The following CD2AP variants were observed in gnomAD, a reference collection of about 807,000 sequenced individuals.
CD2AP encodes CD2-associated protein.
A neutral mutation model predicts 85.1 loss-of-function variants in CD2AP; 46 were observed. The ratio of observed to expected loss-of-function variants is 0.54; its 90% CI spans 0.43 to 0.69. CD2AP has a LOEUF of 0.69. Among genes scored for constraint, CD2AP ranks in the 30% least tolerant of loss-of-function variants. The pLI is 0.00. For synonymous variants in CD2AP, 255 were observed against 252.9 expected, an observed-to-expected ratio of 1.01 and a Z score of -0.08; for missense variants, 769 against 729.5, an observed-to-expected ratio of 1.05 and a Z score of -0.62.
At chr6:47,521,225 TA>T (rs1247395941) in intron 2 of CD2AP, among the ~76,000 whole-genome samples, 1 of 152,128 alleles carries the variant, frequency 6.6e-6, no homozygotes, top group East Asian at 1.9e-4. Context: ...TCAGTCTAAA[TA>T]CTCATAATTA....
intron 4 of CD2AP, among the ~76,000 whole-genome samples, chr6:47,551,381 A>G (rs1439484476): frequency 2.0e-5 from 3 of 152,156 alleles, no homozygotes; most frequent in Non-Finnish European, 4.4e-5. Context: ...TTATGTTTAT[A>G]CAAACTTAGA....
chr6:47,524,745 C>G (rs972409808), intron 2 of CD2AP, among the ~76,000 whole-genome samples: 1 of 151,970 alleles, frequency 6.6e-6, no homozygotes. Context: ...TCTCTGAATA[C>G]AGGAGGAATA....
chr6:47,586,405 G>A (rs1328294665), intron 11 of CD2AP, among the ~76,000 whole-genome samples: 3 of 152,102 alleles, frequency 2.0e-5, no homozygotes, highest in Non-Finnish European at 2.9e-5. Context: ...TTACCTGAGT[G>A]ACAATATCAA....
In CD2AP at chr6:47,543,587, C is replaced by G. The variant is rs560740862; in HGVS notation, c.320-1019C>G. 5.3e-5 allele frequency among the ~76,000 whole-genome samples: 8 copies of G among 152,314 alleles called. No individual in the cohort carries two copies. The East Asian group carries it at 1.5e-3, about 29-fold the overall frequency. On this transcript the variant is annotated intron_variant, in intron 3 of 17. Coordinates refer to ENST00000359314, the MANE Select transcript of CD2AP (RefSeq NM_012120.3). ...CTTCTGGCTTGTAGAGGACCACTGTCTCCTTGTTTTCTCACTTGGTCTTTC... is the reference window on the plus strand; with the variant it reads ...CTTCTGGCTTGTAGAGGACCACTGTGTCCTTGTTTTCTCACTTGGTCTTTC...
intron 12 of CD2AP, among the ~76,000 whole-genome samples, chr6:47,596,608 G>A (rs1276058702): frequency 6.6e-6 from 1 of 151,882 alleles, no homozygotes; most frequent in African/African-American, 2.4e-5. Context: ...CTTTTTTTAT[G>A]GCTGAATGGT....
intron 17 of CD2AP, among the ~76,000 whole-genome samples, chr6:47,622,201 C>A (rs114971028): frequency 1.3e-5 from 2 of 152,140 alleles, no homozygotes; most frequent in African/African-American, 2.4e-5. Context: ...CGTGCCTCCC[C>A]CAACAGCCCT....
chr6:47,498,280 C>G (rs573261967), intron 1 of CD2AP, among the ~76,000 whole-genome samples: 3 of 152,102 alleles, frequency 2.0e-5, no homozygotes, highest in Non-Finnish European at 4.4e-5. Context: ...TTTTCTTTTT[C>G]TAGAATCCAG....
At chr6:47,534,132 A>G (rs1766965066) in intron 3 of CD2AP, among the ~76,000 whole-genome samples, 1 of 152,246 alleles carries the variant, frequency 6.6e-6, no homozygotes. Flanking sequence ...GTTGTTAAAC[A>G]TCTGAACATA....
intron 2 of CD2AP, among the ~76,000 whole-genome samples, chr6:47,520,730 G>GTTTTTT (rs35163088): frequency 3.5e-5 from 3 of 86,362 alleles, no homozygotes; most frequent in African/African-American, 4.4e-5. Context: ...TGGTGCTACA[G>GTTTTTT]TTTTTTTTTT....
At chr6:47,526,495 C>T (rs1379437349) in intron 2 of CD2AP, among the ~76,000 whole-genome samples, 1 of 151,978 alleles carries the variant, frequency 6.6e-6, no homozygotes, top group African/African-American at 2.4e-5. Context: ...TTATTTGTAT[C>T]TTTTGTCTTC....
At chr6:47,530,667 A>AGTACT (rs1476190374) in intron 2 of CD2AP, among the ~76,000 whole-genome samples, 7 of 152,216 alleles carry the variant, frequency 4.6e-5, no homozygotes, top group Non-Finnish European at 8.8e-5. Flanking sequence ...TAAAATGTAC[A>AGTACT]GTACTGTGAG....
chr6:47,490,691 ATC>A (rs1412084678), intron 1 of CD2AP, among the ~76,000 whole-genome samples: 1 of 152,142 alleles, frequency 6.6e-6, no homozygotes, highest in Non-Finnish European at 1.5e-5. Context: ...TTTGGTGGAT[ATC>A]TGTCACTTAT....
rs1769910188 is a variant in CD2AP, at chr6:47,626,441, T to C, written c.*2214T>C. ...TATTTAATAATAACCTTGGGGTAAA[T>C]CATGAATTTTTTTTCTACGTGTGAG... is the stretch of plus-strand genomic sequence containing the variant. On this transcript the variant is annotated 3_prime_UTR_variant, in exon 18 of 18. Transcript: ENST00000359314. The C allele has an allele frequency of 7.6e-6, 1 of 132,162 alleles. No homozygotes were observed. The highest frequency in any genetic ancestry group is 2.7e-4 in the South Asian group (1 of 3,758). 8.2% of individuals were successfully genotyped at this position (132,162 alleles called of 1,614,324 possible).
chr6:47,603,111 A>G (rs542639701), intron 13 of CD2AP, among the ~76,000 whole-genome samples: 14 of 152,192 alleles, frequency 9.2e-5, no homozygotes, highest in African/African-American at 3.4e-4. Context: ...TGAGTAGCAT[A>G]TACTATAAAA....
At chr6:47,552,712 G>T (rs563795592) in intron 4 of CD2AP, among the ~76,000 whole-genome samples, 1 of 152,208 alleles carries the variant, frequency 6.6e-6, no homozygotes, top group African/African-American at 2.4e-5. Context: ...ATAGACAGCT[G>T]ATGTTTCTCT....
chr6:47,583,907 G>A (rs941080567), intron 11 of CD2AP, among the ~76,000 whole-genome samples: 2 of 152,174 alleles, frequency 1.3e-5, no homozygotes, highest in Admixed American at 1.3e-4. Context: ...TCTGTTCTAC[G>A]TTCTAGCCAG....
At chr6:47,492,069 T>G (rs1425485122) in intron 1 of CD2AP, among the ~76,000 whole-genome samples, 3 of 152,226 alleles carry the variant, frequency 2.0e-5, no homozygotes, top group African/African-American at 7.2e-5. Context: ...TACTGTCTGT[T>G]TCCAGTTTAG....
chr6:47,612,056 A>C lies in CD2AP; in HGVS notation c.1815-417A>C, dbSNP rs536614151. Among the ~76,000 whole-genome samples, 224 of 152,246 alleles carry C rather than the reference A, an allele frequency of 1.5e-3. 1 individual carries two copies. The highest frequency in any genetic ancestry group is 5.3e-3 in the African/African-American group (219 of 41,576). On this transcript the variant is annotated intron_variant, in intron 16 of 17. Transcript: ENST00000359314. ...TTATTTAATTTTTAAAAATAGAGAA[A>C]GAAATTCAAAGTCTAGGTTATGTTA...
intron 12 of CD2AP, among the ~76,000 whole-genome samples, chr6:47,598,384 GC>G (rs1292958929): frequency 6.6e-6 from 1 of 151,038 alleles, no homozygotes; most frequent in African/African-American, 2.4e-5. Flanking sequence ...ATTTGATCCA[GC>G]AATCCCACTA....
Sources: gnomAD v4.1 joint callset for allele counts (sites outside exome capture counted in the v4.1 genomes callset) on GRCh38, gnomAD v4.1.1 for gene constraint, MANE v1.5 for transcripts, NCBI Gene and HGNC (gene_info 2026-07-23, HGNC 2026-07-21) for gene names.